MYO1E: variants seen among roughly 807,000 people sequenced by gnomAD.
The protein encoded by MYO1E is myosin IE.
Under a neutral mutation model 151.1 loss-of-function variants are expected in MYO1E, and 68 were observed. The observed-to-expected ratio is 0.45, with a 90% CI of 0.37 to 0.55. The LOEUF (loss-of-function observed/expected upper bound fraction) is 0.55, where lower values mean the gene tolerates loss of function less well. MYO1E is among the 20% of genes least tolerant of loss of function. The pLI is 0.00. For missense variants in MYO1E, 1,363 were observed against 1,389.3 expected, an observed-to-expected ratio of 0.98 and a Z score of 0.30; for synonymous variants, 601 against 501.7, an observed-to-expected ratio of 1.20 and a Z score of -2.64.
intron 2 of MYO1E, among the ~76,000 whole-genome samples, chr15:59,268,720 A>ATTTTTTTTTTTTTTGTTTTTTTTTTT (rs2080271783): frequency 2.2e-5 from 1 of 44,904 alleles, no homozygotes; most frequent in Non-Finnish European, 4.9e-5. Context: ...TGACTTTGGT[A>ATTTTTTTTTTTTTTGTTTTTTTTTTT]TTTTTTTTTT....
At chr15:59,272,632 G>A (rs1382572277) in intron 1 of MYO1E, among the ~76,000 whole-genome samples, 183 bp from the exon 2 acceptor site, 1 of 152,186 alleles carries the variant, frequency 6.6e-6, no homozygotes, top group Non-Finnish European at 1.5e-5. Context: ...TACAGACTAA[G>A]TTAAGTGGGG....
At chr15:59,172,256 C>G (rs2079600009) in intron 21 of MYO1E, among the ~76,000 whole-genome samples, 1 of 152,166 alleles carries the variant, frequency 6.6e-6, no homozygotes, top group African/African-American at 2.4e-5. Flanking sequence ...ACTTGGGAGG[C>G]TGAGGCAGGA....
intron 1 of MYO1E, among the ~76,000 whole-genome samples, chr15:59,307,112 G>A (rs1224630873): frequency 6.6e-6 from 1 of 152,204 alleles, no homozygotes; most frequent in Non-Finnish European, 1.5e-5. Context: ...ACAGGAGGCA[G>A]GCCTAACGAG....
intron 23 of MYO1E, among the ~76,000 whole-genome samples, chr15:59,162,215 T>G (rs2079541713): frequency 6.6e-6 from 1 of 152,116 alleles, no homozygotes; most frequent in African/African-American, 2.4e-5. Context: ...TTTTTTTTAT[T>G]TTTTACTTTT....
At chr15:59,225,116 C>T (rs1290266485) in intron 7 of MYO1E, among the ~76,000 whole-genome samples, 1 of 152,214 alleles carries the variant, frequency 6.6e-6, no homozygotes, top group African/African-American at 2.4e-5. Flanking sequence ...TTACTTAGTT[C>T]CTGCCCAACT....
chr15:59,344,920 G>A (rs1254512052), intron 1 of MYO1E, among the ~76,000 whole-genome samples: 1 of 152,174 alleles, frequency 6.6e-6, no homozygotes, highest in Non-Finnish European at 1.5e-5. Flanking sequence ...AAACCAGCAT[G>A]TCATTTTTTA....
intron 26 of MYO1E, among the ~76,000 whole-genome samples, chr15:59,138,959 C>T (rs1851447286): frequency 6.6e-6 from 1 of 152,132 alleles, no homozygotes; most frequent in African/African-American, 2.4e-5. Context: ...ATGCCTGCAG[C>T]TATCGTTCCT....
intron 17 of MYO1E, among the ~76,000 whole-genome samples, chr15:59,191,332 CAGAGAGAGAGAG>C (rs34694267): frequency 1.3e-4 from 14 of 105,660 alleles, no homozygotes; most frequent in African/African-American, 3.5e-4. Context: ...CAGACAGAGA[CAGAGAGAGAGAG>C]AGAGAGAGAG....
intron 1 of MYO1E, among the ~76,000 whole-genome samples, chr15:59,273,889 C>T (rs745487970): frequency 5.9e-4 from 90 of 151,546 alleles, no homozygotes; most frequent in African/African-American, 1.9e-3. Context: ...CGGGGGACTT[C>T]GAATGAAGAA....
chr15:59,322,196 T>C (rs1037124207), intron 1 of MYO1E, among the ~76,000 whole-genome samples: 3 of 141,502 alleles, frequency 2.1e-5, no homozygotes, highest in Admixed American at 2.1e-4. Context: ...AAAAAAAAAA[T>C]AGAAAGAAAA....
At chr15:59,344,873 G>A (rs554351738) in intron 1 of MYO1E, among the ~76,000 whole-genome samples, 25 of 152,228 alleles carry the variant, frequency 1.6e-4, no homozygotes, top group Admixed American at 4.6e-4. Flanking sequence ...CAGTCAATAG[G>A]CACTAGAATC....
At chr15:59,307,705 G>A (rs2080523069) in intron 1 of MYO1E, among the ~76,000 whole-genome samples, 2 of 151,918 alleles carry the variant, frequency 1.3e-5, no homozygotes, top group African/African-American at 4.8e-5. Context: ...CTGCCTCCAG[G>A]GTTCAAGCCA....
chr15:59,315,486 T>C (rs1288840615), intron 1 of MYO1E, among the ~76,000 whole-genome samples: 1 of 151,434 alleles, frequency 6.6e-6, no homozygotes, highest in African/African-American at 2.4e-5. Flanking sequence ...CAAACCACTA[T>C]GGCACACGTT....
chr15:59,302,381 G>A (rs1477941557), intron 1 of MYO1E, among the ~76,000 whole-genome samples: 6 of 152,196 alleles, frequency 3.9e-5, no homozygotes, highest in East Asian at 1.9e-4. Context: ...AAGGTGAGAC[G>A]CGGGGCAGTG....
rs1248979821 is a variant in MYO1E, at chr15:59,136,895, C to T, written c.*485G>A. The T allele has an allele frequency of 2.5e-6, 1 of 397,748 alleles. No individual in the cohort carries two copies. Among genetic ancestry groups the T allele is most frequent in the Non-Finnish European group, 5.1e-6 (1 of 197,654 alleles). 24.6% of individuals were successfully genotyped at this position (397,748 alleles called of 1,614,324 possible). ...ATGGGAAGTGCCTGCTCACGCTAAG[C>T]CCAGTCTGCAGAGGGCGGGTCCTCC... On this transcript the variant is annotated 3_prime_UTR_variant, in exon 28 of 28. Coordinates refer to ENST00000288235, the MANE Select transcript of MYO1E (RefSeq NM_004998.4).
At chr15:59,286,478 T>C (rs2080388403) in intron 1 of MYO1E, among the ~76,000 whole-genome samples, 1 of 151,834 alleles carries the variant, frequency 6.6e-6, no homozygotes, top group East Asian at 1.9e-4. Flanking sequence ...GTATAAAGAG[T>C]TGGATTTTAA....
At chr15:59,208,286 T>C in intron 14 of MYO1E, 1 of 590,398 alleles carries the variant, frequency 1.7e-6, no homozygotes. Context: ...TCCTAAGTAT[T>C]TTTGGTACCT....
At chr15:59,143,770 C>G (rs1351464771) in intron 26 of MYO1E, among the ~76,000 whole-genome samples, 1 of 152,246 alleles carries the variant, frequency 6.6e-6, no homozygotes, top group Non-Finnish European at 1.5e-5. Context: ...GCTCCTGGCA[C>G]TGCAGCCACA....
Position 59,161,232 on chromosome 15 carries a change from T to C in MYO1E, c.2628-2A>G. The C allele has an allele frequency of 6.2e-7, 1 of 1,613,412 alleles. No individual in the cohort carries two copies. Among genetic ancestry groups the C allele is most frequent in the Non-Finnish European group, 8.5e-7 (1 of 1,179,624 alleles). ...TCCTTTTTCAACTTCAGTTCAAGCC[T>C]GCAAAAAGCACAGTGGGGTTAACAG... is the stretch of plus-strand genomic sequence containing the variant. On this transcript the variant is annotated splice_acceptor_variant, in intron 23 of 27. Transcript: ENST00000288235. LOFTEE classifies it high-confidence loss of function.
Sources: allele counts gnomAD v4.1 joint callset (sites outside exome capture counted in the v4.1 genomes callset), GRCh38; gene constraint gnomAD v4.1.1; transcripts MANE v1.5; gene names NCBI Gene and HGNC (gene_info 2026-07-23, HGNC 2026-07-21).